FRMD4A: variants seen among roughly 807,000 people sequenced by gnomAD.
FRMD4A encodes the protein FERM domain-containing protein 4A.
A neutral mutation model predicts 129.1 loss-of-function variants in FRMD4A; 29 were observed. That is an observed-to-expected ratio of 0.22 (90% CI 0.17 to 0.31). The LOEUF is 0.31. Ranked by LOEUF, FRMD4A falls within the 10% of genes least tolerant of loss-of-function variation. The pLI, the probability that FRMD4A is intolerant of heterozygous loss-of-function variation, is 1.00. For synonymous variants in FRMD4A, 634 were observed against 571.6 expected, an observed-to-expected ratio of 1.11 and a Z score of -1.56; for missense variants, 1,272 against 1,375.8, an observed-to-expected ratio of 0.92 and a Z score of 1.19.
chr10:14,205,749 G>T (rs1842762660), intron 2 of FRMD4A, among the ~76,000 whole-genome samples: 1 of 138,618 alleles, frequency 7.2e-6, no homozygotes, highest in East Asian at 2.1e-4. Context: ...GGAGACTGCA[G>T]AGAGGTGAGA....
chr10:14,127,883 A>C (rs971460935), intron 2 of FRMD4A, among the ~76,000 whole-genome samples: 3 of 149,788 alleles, frequency 2.0e-5, no homozygotes, highest in Admixed American at 1.3e-4. Flanking sequence ...GGTTTGAGCC[A>C]TTTTCCCCAT....
chr10:13,967,331 C>T (rs1195438100), intron 2 of FRMD4A, among the ~76,000 whole-genome samples: 3 of 151,504 alleles, frequency 2.0e-5, no homozygotes, highest in Non-Finnish European at 4.4e-5. Context: ...AGCGAGACTC[C>T]GTCTCAAAGA....
chr10:13,981,206 G>A (rs2095559380), intron 2 of FRMD4A, among the ~76,000 whole-genome samples: 1 of 152,172 alleles, frequency 6.6e-6, no homozygotes, highest in South Asian at 2.1e-4. Context: ...AACGAAGCTT[G>A]GAAAACCAAG....
At chr10:14,011,586 G>C (rs1257188551) in intron 2 of FRMD4A, among the ~76,000 whole-genome samples, 2 of 152,186 alleles carry the variant, frequency 1.3e-5, no homozygotes, top group Non-Finnish European at 2.9e-5. Context: ...TGTGGAAATA[G>C]CCATATAGGC....
intron 2 of FRMD4A, among the ~76,000 whole-genome samples, chr10:13,872,031 A>G (rs553485809): frequency 6.6e-6 from 1 of 152,376 alleles, no homozygotes; most frequent in African/African-American, 2.4e-5. Context: ...TATAAAACAG[A>G]GATGACAGCA....
intron 2 of FRMD4A, among the ~76,000 whole-genome samples, chr10:14,132,799 C>A (rs1262505518): frequency 6.6e-6 from 1 of 152,208 alleles, no homozygotes; most frequent in Non-Finnish European, 1.5e-5. Flanking sequence ...GGAAGCTCTG[C>A]CCTCTGGGAG....
chr10:13,912,048 C>A (rs1393903302), intron 2 of FRMD4A, among the ~76,000 whole-genome samples: 2 of 152,096 alleles, frequency 1.3e-5, no homozygotes, highest in African/African-American at 4.8e-5. Flanking sequence ...TTAATGCAAC[C>A]CAGTTTCCCA....
chr10:13,940,655 G>C (rs2095284432), intron 2 of FRMD4A, among the ~76,000 whole-genome samples: 5 of 152,164 alleles, frequency 3.3e-5, no homozygotes, highest in Admixed American at 3.3e-4. Flanking sequence ...TTACTAAGTG[G>C]ATTCTGAAAG....
At chr10:14,217,002 G>T (rs548880249) in intron 2 of FRMD4A, among the ~76,000 whole-genome samples, 1 of 152,160 alleles carries the variant, frequency 6.6e-6, no homozygotes, top group African/African-American at 2.4e-5. Context: ...AAGGGAACAT[G>T]CTGGGAAGTC....
chr10:13,841,311 G>C (rs1164753400), intron 3 of FRMD4A, among the ~76,000 whole-genome samples: 1 of 152,142 alleles, frequency 6.6e-6, no homozygotes, highest in African/African-American at 2.4e-5. Context: ...AGACAGACAG[G>C]AAACCCTTGG....
In FRMD4A at chr10:13,657,153, G is replaced by A. The variant is rs1307432773; in HGVS notation, c.2436C>T (p.Gly812=). Residue 812 remains glycine (G), a synonymous_variant, in exon 22 of 25, where the codon GGC becomes GGT. Coordinates refer to ENST00000357447, the MANE Select transcript of FRMD4A (RefSeq NM_018027.5). ...ACACACCGCCCCCCGCGCCCCCCGC[G>A]CCCCCCGCACCCCCGCGCGCCGCCA... ...PNLAARGGAG[G]AGGAGGGVYL... 4.0e-5 allele frequency: 40 copies of A among 1,005,370 alleles called. No individual in the cohort carries two copies. The highest frequency in any genetic ancestry group is 1.1e-4 in the African/African-American group (6 of 54,378). The allele number at this position is 1,005,370 out of a possible 1,614,324, so 62.3% of individuals were successfully genotyped here. A position where few individuals can be genotyped will look rare whatever the true frequency, so the allele number is the denominator to read the frequency against.
intron 2 of FRMD4A, among the ~76,000 whole-genome samples, chr10:13,903,401 A>G (rs1237263326): frequency 1.3e-5 from 2 of 152,162 alleles, no homozygotes; most frequent in Non-Finnish European, 2.9e-5. Flanking sequence ...TCCTGAGCCT[A>G]GAACAGTCTT....
chr10:14,301,378 G>T (rs1846180926), intron 2 of FRMD4A, among the ~76,000 whole-genome samples: 1 of 152,238 alleles, frequency 6.6e-6, no homozygotes, highest in South Asian at 2.1e-4. Context: ...ATTGTTGTCA[G>T]AAGTGGGATG....
intron 2 of FRMD4A, among the ~76,000 whole-genome samples, chr10:14,045,230 C>A (rs544409813): frequency 6.6e-6 from 1 of 152,156 alleles, no homozygotes; most frequent in Non-Finnish European, 1.5e-5. Flanking sequence ...ATGTGACTTA[C>A]ACTGTAGCCT....
At chr10:13,660,638 A>C (rs1589247417) in intron 19 of FRMD4A, 85 bp from the exon 20 acceptor site, 2 of 797,310 alleles carry the variant, frequency 2.5e-6, no homozygotes, top group Non-Finnish European at 2.1e-6. Flanking sequence ...CTCCACCCGC[A>C]CCTTGGAGCC....
intron 2 of FRMD4A, among the ~76,000 whole-genome samples, chr10:14,125,278 G>C (rs1158530325): frequency 6.6e-6 from 1 of 152,150 alleles, no homozygotes; most frequent in Non-Finnish European, 1.5e-5. Flanking sequence ...GTCCCCAGCT[G>C]CTTCTCCACT....
intron 2 of FRMD4A, among the ~76,000 whole-genome samples, chr10:13,942,936 A>G (rs2095304275): frequency 6.6e-6 from 1 of 151,042 alleles, no homozygotes; most frequent in Non-Finnish European, 1.5e-5. Context: ...CATCTCAACA[A>G]AAAGGCAAAA....
chr10:13,791,260 G>C (rs1033252570), intron 5 of FRMD4A, among the ~76,000 whole-genome samples: 3 of 152,208 alleles, frequency 2.0e-5, no homozygotes, highest in Non-Finnish European at 4.4e-5. Context: ...GTGGGGAACA[G>C]AGACCCTGAG....
At chr10:14,321,988 G>A (rs922625769) in intron 2 of FRMD4A, among the ~76,000 whole-genome samples, 3 of 152,120 alleles carry the variant, frequency 2.0e-5, no homozygotes, top group Admixed American at 1.3e-4. Flanking sequence ...CATGCAAGAT[G>A]TGCCTCCTTC....
Sources: gnomAD v4.1 joint callset for allele counts (sites outside exome capture counted in the v4.1 genomes callset) on GRCh38, gnomAD v4.1.1 for gene constraint, MANE v1.5 for transcripts, NCBI Gene and HGNC (gene_info 2026-07-23, HGNC 2026-07-21) for gene names.